SLIT3: variants seen among roughly 807,000 people sequenced by gnomAD.
SLIT3 encodes the protein slit guidance ligand 3.
In SLIT3, 68 loss-of-function variants were observed where a neutral mutation model predicts 184.0. The ratio of observed to expected loss-of-function variants is 0.37; its 90% CI spans 0.30 to 0.45. SLIT3 has a LOEUF of 0.45. Ranked by LOEUF, SLIT3 falls within the 20% of genes least tolerant of loss-of-function variation. The pLI, the probability that SLIT3 is intolerant of heterozygous loss-of-function variation, is 1.00. For missense variants in SLIT3, 1,707 were observed against 2,026.0 expected (o/e 0.84, Z 3.02); for synonymous variants, 831 against 828.6 (o/e 1.00, Z -0.05).
At chr5:169,167,497 C>T (rs539976153) in intron 4 of SLIT3, among the ~76,000 whole-genome samples, 30 of 151,924 alleles carry the variant, frequency 2.0e-4, no homozygotes, top group African/African-American at 5.6e-4. Flanking sequence ...AGGATGGTCT[C>T]GATCTCCTGA....
At chr5:168,761,517 T>C (rs904605650) in intron 15 of SLIT3, among the ~76,000 whole-genome samples, 44 of 152,118 alleles carry the variant, frequency 2.9e-4, no homozygotes, top group African/African-American at 8.7e-4. Context: ...ATGAGTTCCA[T>C]GCTTGCATCA....
intron 4 of SLIT3, among the ~76,000 whole-genome samples, chr5:169,054,370 C>A (rs1243585667): frequency 6.6e-6 from 1 of 152,126 alleles, no homozygotes; most frequent in Non-Finnish European, 1.5e-5. Flanking sequence ...GAGCCTGGCC[C>A]TGTCCACACC....
At chr5:169,154,004 G>A (rs1191974460) in intron 4 of SLIT3, among the ~76,000 whole-genome samples, 1 of 135,170 alleles carries the variant, frequency 7.4e-6, no homozygotes, top group Non-Finnish European at 1.5e-5. Flanking sequence ...ACAGAGTCTT[G>A]CTCTGTCACC....
intron 4 of SLIT3, among the ~76,000 whole-genome samples, chr5:169,095,513 C>T (rs766253131): frequency 6.6e-6 from 1 of 152,024 alleles, no homozygotes; most frequent in Non-Finnish European, 1.5e-5. Flanking sequence ...AAAGCCTCCT[C>T]CCCTGACTCA....
intron 8 of SLIT3, among the ~76,000 whole-genome samples, chr5:168,808,559 T>C (rs1158949564): frequency 6.6e-6 from 1 of 152,180 alleles, no homozygotes; most frequent in Non-Finnish European, 1.5e-5. Flanking sequence ...TAATGTTCAT[T>C]GTTATTATTG....
intron 4 of SLIT3, among the ~76,000 whole-genome samples, chr5:169,178,754 C>G (rs1382653426): frequency 6.6e-6 from 1 of 152,124 alleles, no homozygotes. Flanking sequence ...ATCCTTCCCC[C>G]ACCCAATTCA....
intron 6 of SLIT3, among the ~76,000 whole-genome samples, chr5:168,829,097 C>T (rs749171289): frequency 5.9e-5 from 9 of 152,192 alleles, no homozygotes; most frequent in Non-Finnish European, 8.8e-5. Flanking sequence ...CTGCATCCCT[C>T]AAGATAGCCA....
chr5:169,245,041 A>G (rs1481544103), intron 2 of SLIT3, among the ~76,000 whole-genome samples: 4 of 152,168 alleles, frequency 2.6e-5, no homozygotes, highest in Non-Finnish European at 5.9e-5. Context: ...TGTCCCCCCA[A>G]GCACTGCAGG....
intron 14 of SLIT3, among the ~76,000 whole-genome samples, chr5:168,771,302 G>A (rs1755542858): frequency 6.6e-6 from 1 of 152,176 alleles, no homozygotes; most frequent in Admixed American, 6.5e-5. Flanking sequence ...TCAGGGAGCG[G>A]GTAGGGGTGG....
At chr5:169,278,152 G>A (rs910462764) in intron 1 of SLIT3, among the ~76,000 whole-genome samples, 1 of 152,152 alleles carries the variant, frequency 6.6e-6, no homozygotes, top group Non-Finnish European at 1.5e-5. Context: ...GACAGGATCT[G>A]GAACTCCCAT....
intron 4 of SLIT3, among the ~76,000 whole-genome samples, chr5:169,085,351 A>C (rs1759250300): frequency 6.6e-6 from 1 of 152,194 alleles, no homozygotes; most frequent in African/African-American, 2.4e-5. Flanking sequence ...TTCTGCTTTT[A>C]TGACATCTTC....
At position 169,244,749 on chromosome 5, in the gene SLIT3, G is replaced by T; in HGVS notation, c.297C>A (p.Val99=). 1 of 1,613,994 alleles carries T rather than the reference G, an allele frequency of 6.2e-7. No individual in the cohort carries two copies. Among genetic ancestry groups the T allele is most frequent in the Non-Finnish European group, 8.5e-7 (1 of 1,180,006 alleles). Residue 99 remains valine (V), a synonymous_variant, in exon 3 of 36, where the codon GTC becomes GTA. Transcript: ENST00000519560. ...VLHLEDNQVS[V]IERGAFQDLK... is the part of the protein sequence containing the mutation. ...GGTCCTGGAAGGCGCCTCTCTCGAT[G>T]ACGCTGACCTGGTTGTCTTCCAGAT...
At chr5:168,746,584 G>T (rs1197548896) in intron 20 of SLIT3, among the ~76,000 whole-genome samples, 6 of 130,560 alleles carry the variant, frequency 4.6e-5, no homozygotes, top group African/African-American at 1.8e-4. Flanking sequence ...GTGGTGTGTG[G>T]TGTGTGAGTG....
chr5:168,824,663 A>C (rs1242980988), intron 6 of SLIT3, among the ~76,000 whole-genome samples: 2 of 152,290 alleles, frequency 1.3e-5, no homozygotes, highest in Middle Eastern at 3.4e-3. Context: ...TATACCTCCC[A>C]AAGAGGAAGA....
At chr5:168,917,142 C>T (rs1761467358) in intron 4 of SLIT3, among the ~76,000 whole-genome samples, 1 of 152,218 alleles carries the variant, frequency 6.6e-6, no homozygotes, top group Admixed American at 6.5e-5. Flanking sequence ...AGCGACCCAA[C>T]ATCATTGCAT....
chr5:168,865,173 C>CAAAAAA (rs70979103), intron 5 of SLIT3, among the ~76,000 whole-genome samples: 22 of 55,540 alleles, frequency 4.0e-4, no homozygotes, highest in East Asian at 1.1e-3. Flanking sequence ...AACTCCGTCT[C>CAAAAAA]AAAAAAAAAA....
At chr5:169,250,734 T>A (rs6869667) in intron 2 of SLIT3, among the ~76,000 whole-genome samples, 12,654 of 152,254 alleles carry the variant, frequency 0.083, 1,076 homozygotes, top group African/African-American at 0.19. Context: ...CAAGTAAAGA[T>A]GGAAAATAAA....
At chr5:168,828,644 G>A (rs1757776720) in intron 6 of SLIT3, among the ~76,000 whole-genome samples, 1 of 73,778 alleles carries the variant, frequency 1.4e-5, no homozygotes, top group Non-Finnish European at 2.7e-5. Context: ...GGGTGACAGA[G>A]TGAGATCCTG....
chr5:168,977,403 ATCT>A (rs1323004951), intron 4 of SLIT3, among the ~76,000 whole-genome samples: 1 of 152,290 alleles, frequency 6.6e-6, no homozygotes, highest in East Asian at 1.9e-4. Context: ...CATTGTCTTC[ATCT>A]TCTTTGGGTA....
Sources: allele counts gnomAD v4.1 joint callset (sites outside exome capture counted in the v4.1 genomes callset), GRCh38; gene constraint gnomAD v4.1.1; transcripts MANE v1.5; gene names NCBI Gene and HGNC (gene_info 2026-07-23, HGNC 2026-07-21).